The following TFEC variants were observed in gnomAD, a reference collection of about 807,000 sequenced individuals.
The protein encoded by TFEC is transcription factor EC.
A neutral mutation model predicts 41.6 loss-of-function variants in TFEC; 31 were observed. The ratio of observed to expected loss-of-function variants is 0.74; its 90% CI spans 0.56 to 1.01. The LOEUF is 1.01. Among genes scored for constraint, TFEC ranks in the 50% least tolerant of loss-of-function variants. TFEC has a pLI of 0.00. For synonymous variants in TFEC, 143 were observed against 140.6 expected (o/e 1.02, Z -0.12); for missense variants, 402 against 404.1 (o/e 0.99, Z 0.04).
chr7:115,994,449 C>T (rs1419221708), intron 1 of TFEC, among the ~76,000 whole-genome samples: 2 of 152,144 alleles, frequency 1.3e-5, no homozygotes, highest in East Asian at 1.9e-4. Context: ...ATTTTTACAA[C>T]CTATCCCTCT....
At position 115,956,750 on chromosome 7, in the gene TFEC, A is replaced by T. The variant is rs751174088; in HGVS notation, c.311T>A (p.Ile104Asn). Residue 104 changes from isoleucine to asparagine, a missense_variant, in exon 4 of 8, where the codon ATT becomes AAT. By Grantham distance (149) the Ile-to-Asn change is moderately radical. Coordinates refer to ENST00000265440, the MANE Select transcript of TFEC (RefSeq NM_012252.4). The part of the protein sequence containing the change: ...ILDVYSGEQG[I>N]SPINMGLTSA... Reference sequence around the variant, plus strand: ...TGTAAGCCCCATGTTAATTGGTGAAATTCCTTGTTCACCGCTATACACATC... The same window carrying T: ...TGTAAGCCCCATGTTAATTGGTGAATTTCCTTGTTCACCGCTATACACATC... 3.8e-5 allele frequency: 62 copies of T among 1,610,670 alleles called. No homozygotes were observed. Among genetic ancestry groups the T allele is most frequent in the Non-Finnish European group, 5.1e-5 (60 of 1,178,066 alleles).
chr7:116,051,829 A>G (rs1012287449), intron 3 of TFEC, among the ~76,000 whole-genome samples: 1 of 152,062 alleles, frequency 6.6e-6, no homozygotes, highest in African/African-American at 2.4e-5. Flanking sequence ...AATTTTTGAT[A>G]GGTACTATGT....
At chr7:116,140,716 T>C (rs900749880) in intron 1 of TFEC, among the ~76,000 whole-genome samples, 1 of 152,184 alleles carries the variant, frequency 6.6e-6, no homozygotes, top group Admixed American at 6.5e-5. Context: ...TAAAACTATC[T>C]TCAATTTTTG....
intron 2 of TFEC, among the ~76,000 whole-genome samples, chr7:115,975,093 T>C (rs969761381): frequency 1.3e-5 from 2 of 152,120 alleles, no homozygotes; most frequent in Admixed American, 6.6e-5. Context: ...TTTGGCTCTA[T>C]AGTCCAAATC....
At chr7:116,122,110 G>T in intron 1 of TFEC, among the ~76,000 whole-genome samples, 1 of 151,994 alleles carries the variant, frequency 6.6e-6, no homozygotes, top group Non-Finnish European at 1.5e-5. Flanking sequence ...TGTTACAATT[G>T]CAAGGGTTTA....
chr7:116,004,732 G>A (rs992353743), intron 1 of TFEC, among the ~76,000 whole-genome samples: 2 of 151,942 alleles, frequency 1.3e-5, no homozygotes, highest in Non-Finnish European at 2.9e-5. Flanking sequence ...ACAAATTCAT[G>A]CAAGTACAAT....
chr7:116,127,069 CA>C (rs1195253367), intron 1 of TFEC, among the ~76,000 whole-genome samples: 1 of 151,976 alleles, frequency 6.6e-6, no homozygotes, highest in African/African-American at 2.4e-5. Flanking sequence ...GAAAACAGTA[CA>C]TGTCTGGGCT....
chr7:116,087,152 C>G (rs1266945156), intron 3 of TFEC, among the ~76,000 whole-genome samples: 1 of 151,934 alleles, frequency 6.6e-6, no homozygotes, highest in Non-Finnish European at 1.5e-5. Context: ...AAACTTCCAA[C>G]TAAGCCTAAA....
At chr7:115,985,244 T>A (rs934008445) in intron 1 of TFEC, among the ~76,000 whole-genome samples, 8 of 152,156 alleles carry the variant, frequency 5.3e-5, no homozygotes, top group Middle Eastern at 3.2e-3. Flanking sequence ...AATCCCTTTT[T>A]CAAAATATAC....
intron 3 of TFEC, among the ~76,000 whole-genome samples, chr7:116,064,578 G>A (rs1026257981): frequency 6.6e-6 from 1 of 151,934 alleles, no homozygotes; most frequent in Admixed American, 6.6e-5. Context: ...GACAGCATTA[G>A]GACAAATACC....
chr7:116,113,324 G>A (rs1490506848), intron 1 of TFEC, among the ~76,000 whole-genome samples: 1 of 151,922 alleles, frequency 6.6e-6, no homozygotes, highest in Non-Finnish European at 1.5e-5. Context: ...AAGAGGGGAA[G>A]AGACACAGAG....
intron 6 of TFEC, among the ~76,000 whole-genome samples, chr7:115,942,986 G>T (rs577358129): frequency 6.6e-6 from 1 of 152,108 alleles, no homozygotes; most frequent in South Asian, 2.1e-4. Context: ...AAGTACACAG[G>T]TAGGGAAATA....
chr7:116,021,830 G>GT (rs940584405), intron 1 of TFEC, among the ~76,000 whole-genome samples: 1 of 152,178 alleles, frequency 6.6e-6, no homozygotes, highest in Non-Finnish European at 1.5e-5. Flanking sequence ...AATGTATACA[G>GT]TTTTAGCTCT....
chr7:115,971,456 C>T (rs1456500809), intron 3 of TFEC, among the ~76,000 whole-genome samples: 1 of 151,762 alleles, frequency 6.6e-6, no homozygotes, highest in African/African-American at 2.4e-5. Flanking sequence ...TGTTGATTTT[C>T]TCTTTCCCTT....
intron 3 of TFEC, among the ~76,000 whole-genome samples, chr7:116,110,098 G>A (rs1437464415): frequency 6.6e-6 from 1 of 152,136 alleles, no homozygotes; most frequent in African/African-American, 2.4e-5. Flanking sequence ...AAGGGGGAGG[G>A]ATAGCATTAG....
At chr7:116,067,126 G>T (rs1796712436) in intron 3 of TFEC, among the ~76,000 whole-genome samples, 1 of 151,992 alleles carries the variant, frequency 6.6e-6, no homozygotes. Context: ...ATAAAAGGGA[G>T]ACTTAGAAAG....
chr7:116,148,074 C>A (rs544226940), intron 1 of TFEC, among the ~76,000 whole-genome samples: 2 of 152,180 alleles, frequency 1.3e-5, no homozygotes, highest in South Asian at 4.2e-4. Flanking sequence ...ATAAAGAAGG[C>A]GAGATTTAAG....
chr7:116,075,590 G>A (rs995295406), intron 3 of TFEC, among the ~76,000 whole-genome samples: 4 of 152,084 alleles, frequency 2.6e-5, no homozygotes, highest in South Asian at 2.1e-4. Context: ...GTGTGGGAAC[G>A]GGATGAGGCC....
intron 1 of TFEC, among the ~76,000 whole-genome samples, chr7:116,136,341 C>T (rs748688946): frequency 1.2e-4 from 18 of 151,960 alleles, no homozygotes; most frequent in Middle Eastern, 3.4e-3. Context: ...AACTCAAATA[C>T]GCATATCTGC....
Sources: gnomAD v4.1 joint callset for allele counts (sites outside exome capture counted in the v4.1 genomes callset) on GRCh38, gnomAD v4.1.1 for gene constraint, MANE v1.5 for transcripts, NCBI Gene and HGNC (gene_info 2026-07-23, HGNC 2026-07-21) for gene names.